The following ROBO2 variants were observed in gnomAD, a reference collection of about 807,000 sequenced individuals.
ROBO2 encodes the protein roundabout guidance receptor 2.
ROBO2 carries 53 observed loss-of-function variants against 160.8 expected under a neutral mutation model. The ratio of observed to expected loss-of-function variants is 0.33; its 90% CI spans 0.26 to 0.41. The LOEUF (loss-of-function observed/expected upper bound fraction) is 0.41. Among genes scored for constraint, ROBO2 ranks in the 10% least tolerant of loss-of-function variants. ROBO2 has a pLI of 1.00. For missense variants in ROBO2, 1,577 were observed against 1,722.4 expected (o/e 0.92, Z 1.49); for synonymous variants, 664 against 611.7 (o/e 1.09, Z -1.26).
At chr3:76,924,022 T>C (rs916112101) in intron 2 of ROBO2, among the ~76,000 whole-genome samples, 4 of 152,252 alleles carry the variant, frequency 2.6e-5, no homozygotes, top group African/African-American at 9.6e-5. Context: ...TCATCTCTTA[T>C]GTTTAATCAC....
chr3:76,366,907 A>G (rs1286673368), intron 2 of ROBO2, among the ~76,000 whole-genome samples: 1 of 152,068 alleles, frequency 6.6e-6, no homozygotes, highest in Non-Finnish European at 1.5e-5. Context: ...CCAAGCAATA[A>G]AAATTATAAC....
At chr3:77,531,043 A>G (rs2091684097) in intron 6 of ROBO2, among the ~76,000 whole-genome samples, 1 of 152,000 alleles carries the variant, frequency 6.6e-6, no homozygotes. Flanking sequence ...TAATTTGGAA[A>G]GGAACTGTGG....
intron 6 of ROBO2, among the ~76,000 whole-genome samples, chr3:77,539,125 GCCCAGGCTGAT>G (rs919980039): frequency 1.3e-5 from 2 of 152,080 alleles, no homozygotes; most frequent in Non-Finnish European, 2.9e-5. Flanking sequence ...TCACCATGTT[GCCCAGGCTGAT>G]CTCAAACTCC....
At chr3:76,665,765 A>T (rs916393465) in intron 2 of ROBO2, among the ~76,000 whole-genome samples, 1 of 150,618 alleles carries the variant, frequency 6.6e-6, no homozygotes, top group Non-Finnish European at 1.5e-5. Context: ...TTTTAAATTC[A>T]TCTTTATCCC....
At chr3:76,504,519 CTTTTTTTT>C (rs57591523) in intron 2 of ROBO2, among the ~76,000 whole-genome samples, 17 of 73,548 alleles carry the variant, frequency 2.3e-4, no homozygotes, top group East Asian at 1.9e-3. Flanking sequence ...AGAAAATACT[CTTTTTTTT>C]TTTTTTTTTT....
chr3:77,405,601 T>C (rs2076191247), intron 2 of ROBO2, among the ~76,000 whole-genome samples: 1 of 151,740 alleles, frequency 6.6e-6, no homozygotes, highest in African/African-American at 2.4e-5. Flanking sequence ...GGGATAAATA[T>C]TAGCTATAAA....
intron 2 of ROBO2, among the ~76,000 whole-genome samples, chr3:76,383,374 A>C (rs1218859319): frequency 6.6e-6 from 1 of 152,194 alleles, no homozygotes; most frequent in Non-Finnish European, 1.5e-5. Context: ...ACATAAATCA[A>C]AACAGATTAA....
intron 2 of ROBO2, among the ~76,000 whole-genome samples, chr3:76,922,318 T>C (rs1442706651): frequency 6.6e-6 from 1 of 152,170 alleles, no homozygotes; most frequent in African/African-American, 2.4e-5. Context: ...CAATTATTAC[T>C]GAATGCCTAA....
intron 2 of ROBO2, among the ~76,000 whole-genome samples, chr3:77,474,895 C>T (rs2083808204): frequency 6.6e-6 from 1 of 152,106 alleles, no homozygotes; most frequent in African/African-American, 2.4e-5. Context: ...TTTTATTTTA[C>T]TTTTCTTACA....
chr3:77,322,642 TTGGA>T (rs1466252125), intron 2 of ROBO2, among the ~76,000 whole-genome samples: 1 of 150,884 alleles, frequency 6.6e-6, no homozygotes, highest in Admixed American at 6.7e-5. Flanking sequence ...CCACACTTGG[TTGGA>T]TGGACTATAT....
intron 2 of ROBO2, among the ~76,000 whole-genome samples, chr3:77,469,980 A>G (rs998798046): frequency 1.3e-5 from 2 of 152,216 alleles, no homozygotes; most frequent in Non-Finnish European, 2.9e-5. Context: ...CAAAGTTGAC[A>G]CTGAATGAAC....
intron 2 of ROBO2, among the ~76,000 whole-genome samples, chr3:76,460,209 A>G (rs1249451932): frequency 2.0e-5 from 3 of 152,236 alleles, no homozygotes; most frequent in Non-Finnish European, 4.4e-5. Flanking sequence ...TTACCCCAAG[A>G]TTTAACTTAC....
chr3:76,531,001 G>A (rs1442779964), intron 2 of ROBO2, among the ~76,000 whole-genome samples: 1 of 152,078 alleles, frequency 6.6e-6, no homozygotes, highest in Non-Finnish European at 1.5e-5. Flanking sequence ...TATAACTTCA[G>A]TTACACTAAG....
intron 2 of ROBO2, among the ~76,000 whole-genome samples, chr3:76,999,808 G>C (rs963589190): frequency 1.3e-5 from 2 of 152,164 alleles, no homozygotes; most frequent in South Asian, 4.1e-4. Context: ...ATCTTTGTAA[G>C]TAGGTACTTT....
At chr3:76,829,479 A>T (rs900324724) in intron 2 of ROBO2, among the ~76,000 whole-genome samples, 2 of 149,670 alleles carry the variant, frequency 1.3e-5, no homozygotes, top group East Asian at 1.9e-4. Flanking sequence ...AAAGTATAAT[A>T]AAAAAAAAGA....
At chr3:76,665,420 T>C (rs2091980518) in intron 2 of ROBO2, among the ~76,000 whole-genome samples, 1 of 152,036 alleles carries the variant, frequency 6.6e-6, no homozygotes, top group South Asian at 2.1e-4. Flanking sequence ...ATATCTGATG[T>C]CAAATGTTGC....
chr3:77,178,002 AAG>A (rs1416019528), intron 2 of ROBO2, among the ~76,000 whole-genome samples: 2 of 152,008 alleles, frequency 1.3e-5, no homozygotes, highest in African/African-American at 4.8e-5. Context: ...TTTAGGTTCA[AAG>A]AGAGAGCAGT....
At position 76,992,214 on chromosome 3, in the gene ROBO2, AAAC is replaced by A. The variant is rs1470481030; in HGVS notation, c.110-105798_110-105796del. Among the ~76,000 whole-genome samples, 4 of 151,614 alleles carry A rather than the reference AAAC, an allele frequency of 2.6e-5. No homozygotes were observed. In the East Asian group the frequency reaches 7.7e-4, roughly 29 times the overall value. On this transcript the variant is annotated intron_variant, in intron 2 of 26. Transcript: ENST00000487694. ...TCAGAAAAGGGCAGATAACTGGAGA[AAAC>A]ATGAGACTCATGGCAGCAGTGTGTT...
intron 2 of ROBO2, among the ~76,000 whole-genome samples, chr3:76,203,658 T>TC (rs1393562047): frequency 7.1e-6 from 1 of 139,866 alleles, no homozygotes; most frequent in African/African-American, 2.9e-5. Flanking sequence ...GCTATCGGCT[T>TC]CCCGGTCAAC....
Sources: gnomAD v4.1 joint callset for allele counts (sites outside exome capture counted in the v4.1 genomes callset) on GRCh38, gnomAD v4.1.1 for gene constraint, MANE v1.5 for transcripts, NCBI Gene and HGNC (gene_info 2026-07-23, HGNC 2026-07-21) for gene names.